Variants in THADA observed in about 807,000 individuals in gnomAD.
THADA encodes THADA armadillo repeat containing.
In THADA, 213 loss-of-function variants were observed where a neutral mutation model predicts 219.8. The observed-to-expected ratio is 0.97, with a 90% CI of 0.87 to 1.09. The LOEUF is 1.09. THADA is among the 50% of genes least tolerant of loss of function. THADA has a pLI of 0.00. For synonymous variants in THADA, 1,018 were observed against 828.9 expected (o/e 1.23, Z -3.92); for missense variants, 2,956 against 2,311.3 (o/e 1.28, Z -5.72).
At chr2:43,383,895 C>T (rs892199962) in intron 29 of THADA, among the ~76,000 whole-genome samples, 2 of 152,172 alleles carry the variant, frequency 1.3e-5, no homozygotes, top group Admixed American at 1.3e-4. Flanking sequence ...TTCACTTGAA[C>T]ATAAATTCTT....
In THADA at chr2:43,560,308, T is replaced by C; in HGVS notation, c.2389A>G (p.Ser797Gly). The C allele has an allele frequency of 1.2e-6, 2 of 1,612,744 alleles. No individual in the cohort carries two copies. Among genetic ancestry groups the C allele is most frequent in the South Asian group, 2.2e-5 (2 of 90,888 alleles). Residue 797 changes from serine (S) to glycine (G), a missense_variant, in exon 16 of 38, where the codon AGC becomes GGC. Ser to Gly is a moderately conservative substitution (Grantham distance 56, BLOSUM62 0). Transcript: ENST00000405975. ...RFQTLMECFT[S>G]TFEDVKILAF... ...AAAATTTTCACGTCTTCAAAAGTGC[T>C]GGTAAAACATTCCATTAGTGTTTGG...
intron 25 of THADA, among the ~76,000 whole-genome samples, chr2:43,489,958 A>C (rs1030744741): frequency 6.6e-6 from 1 of 151,478 alleles, no homozygotes; most frequent in African/African-American, 2.4e-5. Context: ...GGAATACGTC[A>C]TCTTAACAAT....
rs148608484 is a variant in THADA at position 43,363,413 on chromosome 2, G to C, written c.4228-19176C>G. Among the ~76,000 whole-genome samples the C allele has an allele frequency of 2.0e-5, 3 of 152,276 alleles. No homozygotes were observed. In the East Asian group the frequency reaches 5.8e-4, roughly 29 times the overall value. On this transcript the variant is annotated intron_variant, in intron 29 of 37. Transcript: ENST00000405975. ...GTTGACTGAAATGCTGTTATGTGAT[G>C]CATGACCGTAGTTAATCCCAATCTT...
At chr2:43,485,495 G>A (rs1310657792) in intron 25 of THADA, among the ~76,000 whole-genome samples, 170 bp from the exon 26 acceptor site, 1 of 151,908 alleles carries the variant, frequency 6.6e-6, no homozygotes, top group Non-Finnish European at 1.5e-5. Context: ...GACAGTCATC[G>A]ATTCAATGAC....
At chr2:43,582,951 C>T (rs1171421923) in intron 7 of THADA, among the ~76,000 whole-genome samples, 1 of 152,130 alleles carries the variant, frequency 6.6e-6, no homozygotes, top group East Asian at 1.9e-4. Flanking sequence ...TTCACTAATT[C>T]ATCCTCTTCT....
intron 27 of THADA, among the ~76,000 whole-genome samples, chr2:43,429,176 C>T (rs1391201224): frequency 2.0e-5 from 3 of 150,082 alleles, no homozygotes; most frequent in African/African-American, 7.3e-5. Flanking sequence ...GGCAAGATCT[C>T]AGCTCACTGC....
At chr2:43,506,813 C>CT (rs1207487349) in intron 23 of THADA, among the ~76,000 whole-genome samples, 1 of 152,138 alleles carries the variant, frequency 6.6e-6, no homozygotes, top group Non-Finnish European at 1.5e-5. Flanking sequence ...ATGTTTGTAG[C>CT]TACTGGCTCT....
At chr2:43,498,755 C>G (rs1374879491) in intron 25 of THADA, 78 bp downstream of exon 25, 1 of 1,390,784 alleles carries the variant, frequency 7.2e-7, no homozygotes, top group Non-Finnish European at 9.6e-7. Context: ...TTTTTTATCA[C>G]CCAGTGAAAG....
intron 36 of THADA, among the ~76,000 whole-genome samples, chr2:43,258,857 C>T (rs569121762): frequency 6.6e-6 from 1 of 152,278 alleles, no homozygotes; most frequent in African/African-American, 2.4e-5. Context: ...ACAGCTGAGG[C>T]TGTTTTGGCC....
intron 21 of THADA, among the ~76,000 whole-genome samples, chr2:43,537,777 G>T (rs1457831766): frequency 6.6e-6 from 1 of 151,218 alleles, no homozygotes; most frequent in Non-Finnish European, 1.5e-5. Flanking sequence ...AACCAGCCTG[G>T]CAACATGGTG....
At chr2:43,514,918 T>C (rs1366496993) in intron 22 of THADA, among the ~76,000 whole-genome samples, 1 of 69,348 alleles carries the variant, frequency 1.4e-5, no homozygotes, top group Non-Finnish European at 2.4e-5. Context: ...ATATTTTATG[T>C]ATAATATATA....
chr2:43,247,768 C>T (rs1479069809), intron 36 of THADA, among the ~76,000 whole-genome samples: 4 of 141,996 alleles, frequency 2.8e-5, no homozygotes, highest in African/African-American at 1.1e-4. Flanking sequence ...GGGTGCTGGG[C>T]ATAGTGGCTC....
At chr2:43,446,360 GGC>G (rs1318519375) in intron 26 of THADA, among the ~76,000 whole-genome samples, 2 of 152,170 alleles carry the variant, frequency 1.3e-5, no homozygotes, top group Non-Finnish European at 2.9e-5. Context: ...GCTTTGATCA[GGC>G]AGCAGAAGTG....
intron 28 of THADA, among the ~76,000 whole-genome samples, chr2:43,422,250 G>A (rs949843971): frequency 6.6e-6 from 1 of 152,128 alleles, no homozygotes; most frequent in Non-Finnish European, 1.5e-5. Context: ...CCCATTGGGA[G>A]CAAAAAAGAG....
At chr2:43,570,001 T>C (rs1699116676) in intron 14 of THADA, among the ~76,000 whole-genome samples, 1 of 152,186 alleles carries the variant, frequency 6.6e-6, no homozygotes, top group South Asian at 2.1e-4. Context: ...GAGTCATTAA[T>C]ATCAAGCCTC....
At chr2:43,267,928 T>C (rs1355548631) in intron 36 of THADA, among the ~76,000 whole-genome samples, 1 of 152,182 alleles carries the variant, frequency 6.6e-6, no homozygotes, top group East Asian at 1.9e-4. Context: ...AGAAAGTCCA[T>C]TTCAAGATAC....
chr2:43,484,947 A>C (rs1054451152), intron 26 of THADA, among the ~76,000 whole-genome samples: 7 of 150,934 alleles, frequency 4.6e-5, no homozygotes, highest in Non-Finnish European at 8.8e-5. Flanking sequence ...AATTAAAAAA[A>C]AAAAAACAAA....
intron 31 of THADA, among the ~76,000 whole-genome samples, chr2:43,312,061 G>A (rs973768359): frequency 5.3e-5 from 8 of 151,994 alleles, no homozygotes; most frequent in African/African-American, 1.9e-4. Context: ...AACAAAAACA[G>A]AAAAACCACT....
intron 30 of THADA, among the ~76,000 whole-genome samples, chr2:43,340,540 T>C (rs1666954960): frequency 6.6e-6 from 1 of 152,152 alleles, no homozygotes; most frequent in South Asian, 2.1e-4. Flanking sequence ...TTTTTGTACT[T>C]ATGGGACTGA....
Sources: gnomAD v4.1 joint callset for allele counts (sites outside exome capture counted in the v4.1 genomes callset) on GRCh38, gnomAD v4.1.1 for gene constraint, MANE v1.5 for transcripts, NCBI Gene and HGNC (gene_info 2026-07-23, HGNC 2026-07-21) for gene names.